Variants in SYT11 observed in about 807,000 individuals in gnomAD.
SYT11 encodes the protein synaptotagmin-11.
Under a neutral mutation model 30.4 loss-of-function variants are expected in SYT11, and 12 were observed. That is an observed-to-expected ratio of 0.39 (90% CI 0.25 to 0.64). The LOEUF is 0.64. SYT11 is among the 30% of genes least tolerant of loss of function. SYT11 has a pLI of 0.45. For missense variants in SYT11, 412 were observed against 552.0 expected (o/e 0.75, Z 2.54); for synonymous variants, 204 against 216.0 (o/e 0.94, Z 0.49).
intron 1 of SYT11, among the ~76,000 whole-genome samples, chr1:155,864,086 G>A (rs1672632521): frequency 6.7e-6 from 1 of 150,282 alleles, no homozygotes; most frequent in Non-Finnish European, 1.5e-5. Flanking sequence ...TTCCATCTCT[G>A]CAAAAAATAC....
At chr1:155,866,710 G>A (rs987802661) in intron 1 of SYT11, among the ~76,000 whole-genome samples, 4 of 151,890 alleles carry the variant, frequency 2.6e-5, no homozygotes, top group Admixed American at 2.6e-4. Flanking sequence ...TGGGTGGTGA[G>A]GATGGAGAAG....
In SYT11 at chr1:155,884,154, G is replaced by A. The variant is rs947388027; in HGVS notation, c.*2646G>A. The A allele has an allele frequency of 5.2e-5, 8 of 152,742 alleles. No homozygotes were observed. Among genetic ancestry groups the A allele is most frequent in the African/African-American group, 1.7e-4 (7 of 41,440 alleles). 9.5% of individuals were successfully genotyped at this position (152,742 alleles called of 1,614,324 possible). ...TAATGTCTAAAGATCAGAAATCGCT[G>A]AGCAAACCCGCTTTTGTTTCCTTCC... On this transcript the variant is annotated 3_prime_UTR_variant, in exon 4 of 4. Coordinates refer to ENST00000368324, the MANE Select transcript of SYT11 (RefSeq NM_152280.5).
chr1:155,863,355 G>C (rs1672622022), intron 1 of SYT11, among the ~76,000 whole-genome samples: 1 of 152,010 alleles, frequency 6.6e-6, no homozygotes, highest in Non-Finnish European at 1.5e-5. Flanking sequence ...CAGGAGTCTA[G>C]GGTAGTAAGA....
intron 2 of SYT11, among the ~76,000 whole-genome samples, chr1:155,877,669 G>A (rs779296464): frequency 4.0e-5 from 6 of 150,658 alleles, no homozygotes; most frequent in South Asian, 2.1e-4. Context: ...TTCTCCTGCC[G>A]CAGCCTCCCC....
chr1:155,867,346 A>C (rs1672698240), intron 1 of SYT11, among the ~76,000 whole-genome samples: 1 of 152,186 alleles, frequency 6.6e-6, no homozygotes. Context: ...GGTGTGAGCC[A>C]CTGCACCCAG....
At chr1:155,867,918 G>T in intron 1 of SYT11, 47 bp from the exon 2 acceptor site, 1 of 1,421,460 alleles carries the variant, frequency 7.0e-7, no homozygotes. Context: ...ATCTAGACAG[G>T]AGGTGAAGTC....
Position 155,868,586 on chromosome 1 carries a change from T to C in SYT11, c.656T>C (p.Leu219Pro). Reference sequence around the variant, plus strand: ...AAGACCAGAGTGCTGCGGAAGACCCTGGACCCTGTGTTTGACGAGACCTTC... The same window carrying C: ...AAGACCAGAGTGCTGCGGAAGACCCCGGACCCTGTGTTTGACGAGACCTTC... ...RVKTRVLRKT[L>P]DPVFDETFTF... The change falls in exon 2 of 4, where the codon CTG (leucine) becomes CCG (proline). Residue 219 changes from leucine (L) to proline (P), a missense_variant. Coordinates refer to ENST00000368324, the MANE Select transcript of SYT11 (RefSeq NM_152280.5). The surrounding 1 kb of genome is among the most constrained non-coding windows in gnomAD (Gnocchi z 4.7). The C allele has an allele frequency of 1.2e-6, 2 of 1,614,150 alleles. No individual in the cohort carries two copies. Among genetic ancestry groups the C allele is most frequent in the Non-Finnish European group, 1.7e-6 (2 of 1,180,012 alleles).
At chr1:155,874,021 C>T (rs1034011527) in intron 2 of SYT11, among the ~76,000 whole-genome samples, 5 of 152,200 alleles carry the variant, frequency 3.3e-5, no homozygotes, top group African/African-American at 1.2e-4. Context: ...TGGCTGAGGG[C>T]CAGGCATGGT....
chr1:155,874,815 G>A lies in SYT11; in HGVS notation c.862-5685G>A, dbSNP rs983415224. Among the ~76,000 whole-genome samples the A allele has an allele frequency of 9.6e-5, 14 of 145,860 alleles. 1 individual carries two copies. Among genetic ancestry groups the A allele is most frequent in the African/African-American group, 2.5e-4 (10 of 39,894 alleles). On this transcript the variant is annotated intron_variant, in intron 2 of 3. Transcript: ENST00000368324. ...TGAGCCAGGAGAATGGCCTGAACCC[G>A]GGAGGCAGAGGTTGCAGTGAGCCGA...
intron 2 of SYT11, among the ~76,000 whole-genome samples, chr1:155,870,702 G>A (rs1672767373): frequency 6.6e-6 from 1 of 152,204 alleles, no homozygotes; most frequent in Non-Finnish European, 1.5e-5. Flanking sequence ...CCAGGAACAA[G>A]GTTTGCCTGC....
At chr1:155,867,851 C>A in intron 1 of SYT11, 114 bp from the exon 2 acceptor site, 1 of 819,360 alleles carries the variant, frequency 1.2e-6, no homozygotes, top group Non-Finnish European at 1.9e-6. Context: ...GCACATTTTG[C>A]TTTAGAGGCT....
chr1:155,884,573 GCCTTCT>G lies in SYT11; in HGVS notation c.*3069_*3074del, dbSNP rs1673039810. On this transcript the variant is annotated 3_prime_UTR_variant, in exon 4 of 4. Coordinates refer to ENST00000368324, the MANE Select transcript of SYT11 (RefSeq NM_152280.5). Reference sequence around the variant, plus strand: ...TAACTGATAAGAGTGGAGGAGGAATGCCTTCTCCTAAGAGTCAGTTGAAAGAAAGAC... The same window carrying G: ...TAACTGATAAGAGTGGAGGAGGAATGCCTAAGAGTCAGTTGAAAGAAAGAC... The G allele has an allele frequency of 6.5e-6, 1 of 152,790 alleles. No homozygotes were observed. Among genetic ancestry groups the G allele is most frequent in the Admixed American group, 6.5e-5 (1 of 15,284 alleles). The allele number at this position is 152,790 out of a possible 1,614,324, so 9.5% of individuals were successfully genotyped here.
chr1:155,866,476 T>C (rs1672677949), intron 1 of SYT11, among the ~76,000 whole-genome samples: 1 of 152,248 alleles, frequency 6.6e-6, no homozygotes, highest in African/African-American at 2.4e-5. Flanking sequence ...TTTTAAGTGC[T>C]GAGGGTACAG....
chr1:155,867,653 A>G (rs929415245), intron 1 of SYT11, among the ~76,000 whole-genome samples: 2 of 152,210 alleles, frequency 1.3e-5, no homozygotes, highest in South Asian at 4.1e-4. Flanking sequence ...CTTTATGTGA[A>G]GCACAAATCA....
chr1:155,882,793 C>T lies in SYT11; in HGVS notation c.*1285C>T, dbSNP rs1308672056. ...TCTTGGTTGATGGGTTGGAAGTCAT[C>T]AGAGGTTTGAAGAATTACACTGGCC... On this transcript the variant is annotated 3_prime_UTR_variant, in exon 4 of 4. Coordinates refer to ENST00000368324, the MANE Select transcript of SYT11 (RefSeq NM_152280.5). 6.6e-6 allele frequency: 1 copy of T among 152,282 alleles called. No homozygotes were observed. Among genetic ancestry groups the T allele is most frequent in the Non-Finnish European group, 1.5e-5 (1 of 68,056 alleles). 9.4% of individuals were successfully genotyped at this position (152,282 alleles called of 1,614,324 possible).
At position 155,874,551 on chromosome 1, in the gene SYT11, C is replaced by T. The variant is rs189067159; in HGVS notation, c.861+5760C>T. On this transcript the variant is annotated intron_variant, in intron 2 of 3. Transcript: ENST00000368324. ...GGATGTCAAGGCTGCAGTGAATGCA[C>T]ACCACTGCACTCCAGCCTGGGCAAG... Among the ~76,000 whole-genome samples the T allele has an allele frequency of 1.6e-3, 223 of 140,950 alleles. 5 individuals carry two copies. The highest frequency in any genetic ancestry group is 5.3e-3 in the African/African-American group (214 of 40,354). 92.5% of individuals were successfully genotyped at this position (140,950 alleles called of 152,430 possible).
chr1:155,867,764 G>T (rs568999847), intron 1 of SYT11, among the ~76,000 whole-genome samples: 1 of 152,330 alleles, frequency 6.6e-6, no homozygotes, highest in African/African-American at 2.4e-5. Flanking sequence ...AAGGCTGGGA[G>T]GAAAAGCCGT....
intron 1 of SYT11, 76 bp from the exon 2 acceptor site, chr1:155,867,889 G>C: frequency 9.0e-7 from 1 of 1,108,638 alleles, no homozygotes; most frequent in East Asian, 2.4e-5. Context: ...GGCTCCAGCA[G>C]TGGCAATGAG....
intron 2 of SYT11, among the ~76,000 whole-genome samples, chr1:155,880,030 GA>G (rs1268070285): frequency 2.0e-5 from 3 of 152,182 alleles, no homozygotes; most frequent in Non-Finnish European, 2.9e-5. Context: ...TCTGTGTATA[GA>G]AAAAAGAAAA....
Sources: gnomAD v4.1 joint callset for allele counts (sites outside exome capture counted in the v4.1 genomes callset) on GRCh38, gnomAD v4.1.1 for gene constraint, Gnocchi (gnomAD v3.1) non-coding constraint, MANE v1.5 for transcripts, NCBI Gene and HGNC (gene_info 2026-07-23, HGNC 2026-07-21) for gene names.